Variants in DCUN1D1 observed in about 807,000 individuals in gnomAD.
The protein encoded by DCUN1D1 is DCN1-like protein 1.
In DCUN1D1, 3 loss-of-function variants were observed where a neutral mutation model predicts 39.0. That is an observed-to-expected ratio of 0.08 (90% CI 0.04 to 0.20). DCUN1D1 has a LOEUF of 0.20. Ranked by LOEUF, DCUN1D1 falls within the 10% of genes least tolerant of loss-of-function variation. DCUN1D1 has a pLI of 1.00. For synonymous variants in DCUN1D1, 82 were observed against 96.3 expected (o/e 0.85, Z 0.87); for missense variants, 158 against 302.4 (o/e 0.52, Z 3.54).
intron 4 of DCUN1D1, 148 bp downstream of exon 4, chr3:182,961,078 T>A: frequency 1.7e-6 from 1 of 597,924 alleles, no homozygotes; most frequent in Non-Finnish European, 2.8e-6. Context: ...ATTTTCTGAT[T>A]AAAAATTTCC....
At chr3:182,967,214 AACAG>A (rs1355467075) in intron 1 of DCUN1D1, among the ~76,000 whole-genome samples, 1 of 151,348 alleles carries the variant, frequency 6.6e-6, no homozygotes, top group African/African-American at 2.4e-5. Flanking sequence ...ATCTGGCCCA[AACAG>A]ACAGATCGTA....
intron 4 of DCUN1D1, chr3:182,955,975 C>A (rs868392464): frequency 6.6e-6 from 1 of 151,514 alleles, no homozygotes; most frequent in Non-Finnish European, 1.4e-5. Flanking sequence ...GTCGCCCAGG[C>A]TGGAGTACAG....
intron 1 of DCUN1D1, among the ~76,000 whole-genome samples, chr3:182,968,308 G>C (rs1397131821): frequency 6.6e-6 from 1 of 152,130 alleles, no homozygotes; most frequent in East Asian, 1.9e-4. Flanking sequence ...GATTTGTCTG[G>C]GGTTTTATCA....
At chr3:182,973,495 T>G (rs186399815) in intron 1 of DCUN1D1, among the ~76,000 whole-genome samples, 1 of 152,276 alleles carries the variant, frequency 6.6e-6, no homozygotes, top group East Asian at 1.9e-4. Context: ...AATGATACAT[T>G]ATGGCAATCT....
intron 1 of DCUN1D1, among the ~76,000 whole-genome samples, chr3:182,976,587 G>A (rs1301433801): frequency 2.6e-5 from 4 of 152,006 alleles, no homozygotes; most frequent in African/African-American, 7.3e-5. Flanking sequence ...TCTCATTGGT[G>A]ATACAGATAT....
chr3:182,946,745 G>A (rs1284950286), intron 6 of DCUN1D1, among the ~76,000 whole-genome samples: 1 of 152,072 alleles, frequency 6.6e-6, no homozygotes. Flanking sequence ...CATGAATGCT[G>A]AGTAGGAATT....
intron 5 of DCUN1D1, 48 bp downstream of exon 5, chr3:182,947,502 T>C (rs375708957): frequency 1.9e-5 from 23 of 1,226,830 alleles, no homozygotes; most frequent in Admixed American, 7.7e-5. Context: ...TCTTTAAACA[T>C]AGCAGAATTT....
In DCUN1D1 at chr3:182,947,266, T is replaced by G. The variant is rs756177769; in HGVS notation, c.672A>C (p.Ala224=). 6.2e-7 allele frequency: 1 copy of G among 1,608,114 alleles called. No individual in the cohort carries two copies. Among genetic ancestry groups the G allele is most frequent in the South Asian group, 1.1e-5 (1 of 89,238 alleles). The change falls in exon 6 of 7, where the codon GCA becomes GCC. Residue 224 remains alanine (A), a synonymous_variant. Coordinates refer to ENST00000292782, the MANE Select transcript of DCUN1D1 (RefSeq NM_020640.4). ...NLLLDFSTMI[A]DDMSNYDEEG... ...CTTCATCATAATTAGACATGTCATC[T>G]GCAATCATCGTACTGAAGTCTAAAA...
chr3:182,983,818 C>G (rs1309490835), upstream of DCUN1D1, among the ~76,000 whole-genome samples: 37 of 152,140 alleles, frequency 2.4e-4, 1 homozygote, highest in Admixed American at 2.4e-3. Context: ...CATTATATTT[C>G]CCACCAAGAT....
chr3:182,948,490 AACAGAGAACTACACTTATCACATG>A (rs1219117532), intron 4 of DCUN1D1, among the ~76,000 whole-genome samples: 8 of 151,650 alleles, frequency 5.3e-5, no homozygotes, highest in South Asian at 2.1e-4. Context: ...CTTACCACAC[AACAGAGAACTACACTTATCACATG>A]ACAGAGAACT....
intron 4 of DCUN1D1, chr3:182,955,876 C>T (rs937765705): frequency 5.6e-6 from 1 of 179,854 alleles, no homozygotes; most frequent in Non-Finnish European, 1.2e-5. Context: ...CCACCGCGCC[C>T]AGCCGCACCA....
chr3:182,978,901 T>A (rs147443095), intron 1 of DCUN1D1, among the ~76,000 whole-genome samples: 128 of 152,268 alleles, frequency 8.4e-4, no homozygotes, highest in African/African-American at 2.9e-3. Flanking sequence ...CCTGAACAGG[T>A]GATGAGTATT....
upstream of DCUN1D1, among the ~76,000 whole-genome samples, chr3:182,985,009 G>T (rs1728681278): frequency 6.6e-6 from 1 of 152,190 alleles, no homozygotes; most frequent in Admixed American, 6.5e-5. Flanking sequence ...GTCCTTATTG[G>T]ATTCAAGCTT....
At chr3:182,948,895 A>G (rs1252382164) in intron 4 of DCUN1D1, among the ~76,000 whole-genome samples, 2 of 151,936 alleles carry the variant, frequency 1.3e-5, no homozygotes, top group Non-Finnish European at 2.9e-5. Context: ...TAAAAACACA[A>G]AAATTAGCTG....
intron 1 of DCUN1D1, among the ~76,000 whole-genome samples, chr3:182,967,128 C>CTATATATATATATA (rs60339329): frequency 1.3e-4 from 18 of 143,574 alleles, no homozygotes; most frequent in African/African-American, 4.2e-4. Context: ...AACAAAAAAA[C>CTATATATATATATA]TATATATATA....
chr3:182,952,096 A>C (rs1024289336), intron 4 of DCUN1D1, among the ~76,000 whole-genome samples: 23 of 152,262 alleles, frequency 1.5e-4, no homozygotes, highest in African/African-American at 5.5e-4. Flanking sequence ...ATCCACTCCA[A>C]TGAAATTAAA....
intron 4 of DCUN1D1, 71 bp from the exon 5 acceptor site, chr3:182,947,703 C>A: frequency 3.3e-6 from 3 of 908,568 alleles, no homozygotes; most frequent in Admixed American, 2.6e-5. Flanking sequence ...AACAAACAAA[C>A]AAAAAAACAG....
At position 182,943,016 on chromosome 3, in the gene DCUN1D1, T is replaced by C. The variant is rs1313837720; in HGVS notation, c.*2078A>G. ...AGTACCAACCTGATGACAAACACTA[T>C]TTTGTTGAAAAGGTTTTGCATTTAA... On this transcript the variant is annotated 3_prime_UTR_variant, in exon 7 of 7. Coordinates refer to ENST00000292782, the MANE Select transcript of DCUN1D1 (RefSeq NM_020640.4). 2.0e-5 allele frequency: 3 copies of C among 150,960 alleles called. No individual in the cohort carries two copies. The highest frequency in any genetic ancestry group is 1.3e-4 in the Admixed American group (2 of 15,076). 9.4% of individuals were successfully genotyped at this position (150,960 alleles called of 1,614,324 possible). A position where few individuals can be genotyped will look rare whatever the true frequency, so the allele number is the denominator to read the frequency against.
At chr3:182,947,695 C>A in intron 4 of DCUN1D1, 63 bp from the exon 5 acceptor site, 6 of 981,406 alleles carry the variant, frequency 6.1e-6, no homozygotes, top group Admixed American at 2.5e-5. Flanking sequence ...GCAAAAATAA[C>A]AAACAAACAA....
Sources: allele counts gnomAD v4.1 joint callset (sites outside exome capture counted in the v4.1 genomes callset), GRCh38; gene constraint gnomAD v4.1.1; transcripts MANE v1.5; gene names NCBI Gene and HGNC (gene_info 2026-07-23, HGNC 2026-07-21).